Variants in PRKAR1B observed in about 807,000 individuals in gnomAD.
The protein encoded by PRKAR1B is cAMP-dependent protein kinase type I-beta regulatory subunit.
Under a neutral mutation model 46.5 loss-of-function variants are expected in PRKAR1B, and 22 were observed. The ratio of observed to expected loss-of-function variants is 0.47; its 90% CI spans 0.34 to 0.68. PRKAR1B has a LOEUF of 0.68. PRKAR1B is among the 30% of genes least tolerant of loss of function. The probability of loss-of-function intolerance (pLI) is 0.01; values close to 1 mark genes in which losing one functional copy is unlikely to be tolerated. For synonymous variants in PRKAR1B, 259 were observed against 217.7 expected (o/e 1.19, Z -1.67); for missense variants, 445 against 535.6 (o/e 0.83, Z 1.67).
intron 2 of PRKAR1B, among the ~76,000 whole-genome samples, chr7:706,673 C>T (rs536936166): frequency 9.3e-5 from 14 of 151,226 alleles, no homozygotes; most frequent in African/African-American, 3.4e-4. Flanking sequence ...GATCCGCCCG[C>T]CTCAGCCTCC....
In PRKAR1B at chr7:714,506, T is replaced by C. The variant is rs1378431150; in HGVS notation, c.-22-2979A>G. 6.6e-6 allele frequency among the ~76,000 whole-genome samples: 1 copy of C among 152,110 alleles called. No individual in the cohort carries two copies. Among genetic ancestry groups the C allele is most frequent in the African/African-American group, 2.4e-5 (1 of 41,416 alleles). ...TGAGCTGTGACGTCTGCTGAGCTCCTCTCCTCATTGCCACGACGGCAGCTC... is the reference window on the plus strand; with the variant it reads ...TGAGCTGTGACGTCTGCTGAGCTCCCCTCCTCATTGCCACGACGGCAGCTC... On this transcript the variant is annotated intron_variant, in intron 1 of 10. Coordinates refer to ENST00000537384, the MANE Select transcript of PRKAR1B (RefSeq NM_001164760.2). The surrounding 1 kb of genome is among the most constrained non-coding windows in gnomAD (Gnocchi z 4.3).
intron 2 of PRKAR1B, among the ~76,000 whole-genome samples, chr7:708,172 G>T (rs1298649845): frequency 6.6e-6 from 1 of 150,848 alleles, no homozygotes; most frequent in Non-Finnish European, 1.5e-5. Flanking sequence ...TCTCCCACAC[G>T]GACCCAGAAG....
rs1317364396 is a variant in PRKAR1B at position 579,338 on chromosome 7, G to A, written c.809C>T (p.Ala270Val). ...ATCTTCAAACTGGACGGGCTCCAGC[G>A]CATCCGCCACGGTCAGACGCTCCCA... ...EKWERLTVAD[A>V]LEPVQFEDGE... The change falls in exon 9 of 11, where the codon GCG (alanine) becomes GTG (valine). Residue 270 changes from alanine (A) to valine (V), a missense_variant. By Grantham distance (64) the Ala-to-Val change is moderately conservative. This residue lies in a region of PRKAR1B where 51 missense variants were observed against 85.1 expected (regional missense o/e 0.60). Transcript: ENST00000537384. 5 of 1,614,104 alleles carry A rather than the reference G, an allele frequency of 3.1e-6. No homozygotes were observed. Among genetic ancestry groups the A allele is most frequent in the Non-Finnish European group, 2.5e-6 (3 of 1,180,032 alleles).
Position 550,271 on chromosome 7 carries a change from A to C in PRKAR1B, c.*159T>G. 1.6e-6 allele frequency: 1 copy of C among 620,344 alleles called. No individual in the cohort carries two copies. The highest frequency in any genetic ancestry group is 2.8e-5 in the East Asian group (1 of 35,616). 38.4% of individuals were successfully genotyped at this position (620,344 alleles called of 1,614,324 possible). A position where few individuals can be genotyped will look rare whatever the true frequency, so the allele number is the denominator to read the frequency against. Reference sequence around the variant, plus strand: ...TTGGAAATGCACAAGGTGATCATTTATTCCAAAAAGTGAGTCCGGGGAAGG... The same window carrying C: ...TTGGAAATGCACAAGGTGATCATTTCTTCCAAAAAGTGAGTCCGGGGAAGG... On this transcript the variant is annotated 3_prime_UTR_variant, in exon 11 of 11. Transcript: ENST00000537384.
intron 8 of PRKAR1B, among the ~76,000 whole-genome samples, chr7:581,768 T>G (rs1263238825): frequency 6.6e-6 from 1 of 152,034 alleles, no homozygotes; most frequent in Admixed American, 6.6e-5. Flanking sequence ...CAGCCTGGAG[T>G]GCAGTGGCGT....
At chr7:638,124 C>G (rs1357124501) in intron 4 of PRKAR1B, among the ~76,000 whole-genome samples, 1 of 152,200 alleles carries the variant, frequency 6.6e-6, no homozygotes, top group Non-Finnish European at 1.5e-5. Context: ...GCGTGGGCAC[C>G]CAGCAGGCAC....
chr7:636,444 T>A (rs112861966), intron 4 of PRKAR1B, among the ~76,000 whole-genome samples: 8,768 of 36,036 alleles, frequency 0.24, 1,985 homozygotes, highest in Middle Eastern at 0.27. Context: ...GGCCGCGCCC[T>A]CACGTCCTCC....
intron 4 of PRKAR1B, among the ~76,000 whole-genome samples, chr7:657,826 G>A (rs1338643780): frequency 2.6e-5 from 4 of 152,164 alleles, no homozygotes; most frequent in Non-Finnish European, 4.4e-5. Flanking sequence ...AAAACAAGAA[G>A]AAAATAATTG....
chr7:691,701 C>A, intron 2 of PRKAR1B: 1 of 1,268,046 alleles, frequency 7.9e-7, no homozygotes, highest in Non-Finnish European at 1.0e-6. Flanking sequence ...CGGTCAAAAG[C>A]AGCTCCTCGT....
intron 5 of PRKAR1B, 89 bp downstream of exon 5, chr7:607,302 T>C: frequency 2.3e-6 from 3 of 1,311,082 alleles, no homozygotes; most frequent in Non-Finnish European, 3.2e-6. Context: ...GCGTGGGCCA[T>C]CGTGCCTGCC....
chr7:701,930 G>A (rs1006942213), intron 2 of PRKAR1B, among the ~76,000 whole-genome samples: 6 of 152,174 alleles, frequency 3.9e-5, no homozygotes, highest in Admixed American at 1.3e-4. Context: ...CAGGAACCAC[G>A]GAAGAGTGAC....
At chr7:554,821 C>T (rs997422997) in intron 9 of PRKAR1B, among the ~76,000 whole-genome samples, 1 of 151,690 alleles carries the variant, frequency 6.6e-6, no homozygotes, top group African/African-American at 2.4e-5. Context: ...ACGGATCCTG[C>T]AGAGCCGGAA....
intron 4 of PRKAR1B, among the ~76,000 whole-genome samples, chr7:625,509 G>C (rs1451047086): frequency 6.6e-6 from 1 of 151,996 alleles, no homozygotes; most frequent in Non-Finnish European, 1.5e-5. Flanking sequence ...CATCACTACA[G>C]GTCCCATGGA....
intron 7 of PRKAR1B, among the ~76,000 whole-genome samples, chr7:595,330 C>T (rs772324158): frequency 1.3e-5 from 2 of 152,200 alleles, no homozygotes; most frequent in Non-Finnish European, 1.5e-5. Context: ...ACAGCAGTCC[C>T]CCCCGCCCCA....
chr7:721,368 C>T lies in PRKAR1B; in HGVS notation c.-23+5842G>A, dbSNP rs113650171. Reference sequence around the variant, plus strand: ...TTCTGTTAAAATTATCTTTCTGGGCCGGGCACGGTGGCTCACGCCTGTAAT... The same window carrying T: ...TTCTGTTAAAATTATCTTTCTGGGCTGGGCACGGTGGCTCACGCCTGTAAT... On this transcript the variant is annotated intron_variant, in intron 1 of 10. Coordinates refer to ENST00000537384, the MANE Select transcript of PRKAR1B (RefSeq NM_001164760.2). Among the ~76,000 whole-genome samples the T allele has an allele frequency of 5.1e-3, 782 of 152,244 alleles. 8 individuals carry two copies. The highest frequency in any genetic ancestry group is 0.018 in the African/African-American group (728 of 41,508).
intron 9 of PRKAR1B, among the ~76,000 whole-genome samples, chr7:554,923 T>C (rs1231101577): frequency 2.6e-5 from 4 of 152,222 alleles, no homozygotes; most frequent in Non-Finnish European, 5.9e-5. Flanking sequence ...GACCCAGCCT[T>C]GCTCTTGCTT....
intron 9 of PRKAR1B, among the ~76,000 whole-genome samples, chr7:562,554 C>A (rs1036392653): frequency 5.3e-5 from 8 of 152,218 alleles, no homozygotes; most frequent in Non-Finnish European, 1.0e-4. Flanking sequence ...GCCCTCTCCA[C>A]CAGGCCTGCA....
At chr7:591,160 C>T (rs185518687) in intron 7 of PRKAR1B, among the ~76,000 whole-genome samples, 2 of 152,390 alleles carry the variant, frequency 1.3e-5, no homozygotes, top group East Asian at 3.9e-4. Flanking sequence ...CAGCTGAAGG[C>T]TGCCAGGGGC....
chr7:720,360 CTG>C (rs1781032200), intron 1 of PRKAR1B, among the ~76,000 whole-genome samples: 3 of 152,284 alleles, frequency 2.0e-5, no homozygotes, highest in Non-Finnish European at 4.4e-5. Flanking sequence ...GCCCAGCCCT[CTG>C]TGCAAGTCTT....
Sources: allele counts gnomAD v4.1 joint callset (sites outside exome capture counted in the v4.1 genomes callset), GRCh38; gene constraint gnomAD v4.1.1; regional missense constraint gnomAD v4.1.1; non-coding constraint Gnocchi (gnomAD v3.1); transcripts MANE v1.5; gene names NCBI Gene and HGNC (gene_info 2026-07-23, HGNC 2026-07-21).